PLAC1: variants seen among roughly 807,000 people sequenced by gnomAD.
PLAC1 encodes the protein placenta-specific protein 1.
For synonymous variants in PLAC1, 68 were observed against 62.1 expected, an observed-to-expected ratio of 1.09 and a Z score of -0.44; for missense variants, 136 against 163.2, an observed-to-expected ratio of 0.83 and a Z score of 0.91.
At chrX:134,588,332 T>TTATG (rs2078017228) in intron 2 of PLAC1, among the ~76,000 whole-genome samples, 1 of 107,049 alleles carries the variant, frequency 9.3e-6, no homozygotes, top group Non-Finnish European at 1.9e-5. Flanking sequence ...ATTTATTTAT[T>TTATG]TATTTATTGT....
chrX:134,745,493 C>T (rs978278891), intron 1 of PLAC1, among the ~76,000 whole-genome samples: 5 of 111,753 alleles, frequency 4.5e-5, no homozygotes, highest in Admixed American at 1.9e-4. Context: ...GGATGTCAAA[C>T]CACAATGGCT....
Position 134,726,670 on chromosome X carries a change from A to C in PLAC1, n.174+6765T>G, listed in dbSNP as rs1387642542. On this transcript the variant is annotated intron_variant and non_coding_transcript_variant, in intron 2 of 2. Coordinates refer to the PLAC1 transcript ENST00000466797. The stretch of plus-strand genomic sequence containing the variant: ...AAACCCTGTCTCTACTAAAATACAG[A>C]AAATTATCTGGGCGTGGTGGCATGC... 1.9e-4 allele frequency among the ~76,000 whole-genome samples: 21 copies of C among 109,196 alleles called. 1 individual carries two copies. The Admixed American group carries it at 2.0e-3, about 11-fold the overall frequency. 94.8% of individuals were successfully genotyped at this position (109,196 alleles called of 115,157 possible).
chrX:134,636,232 A>G, intron 1 of PLAC1, among the ~76,000 whole-genome samples: 1 of 112,365 alleles, frequency 8.9e-6, no homozygotes, highest in East Asian at 2.8e-4. Context: ...AGTAGCCTTG[A>G]AAAGGGTTAA....
At chrX:134,663,641 G>A (rs1428936238) in intron 2 of PLAC1, among the ~76,000 whole-genome samples, 1 of 112,544 alleles carries the variant, frequency 8.9e-6, no homozygotes, top group African/African-American at 3.2e-5. Context: ...TAAGGCATTT[G>A]AGTTACGGCT....
rs184633335 is a variant in PLAC1, at chrX:134,730,784, C to A, written n.174+2651G>T. 2.3e-3 allele frequency among the ~76,000 whole-genome samples: 260 copies of A among 111,253 alleles called. 1 individual carries two copies. The highest frequency in any genetic ancestry group is 8.2e-3 in the African/African-American group (252 of 30,595). On this transcript the variant is annotated intron_variant and non_coding_transcript_variant, in intron 2 of 2. Coordinates refer to the PLAC1 transcript ENST00000466797. ...TGATTGTCAATACTGTTATTGCTTCCTGGGAAATAACTCCTGTCTGACTGT... is the reference window on the plus strand; with the variant it reads ...TGATTGTCAATACTGTTATTGCTTCATGGGAAATAACTCCTGTCTGACTGT...
In PLAC1 at chrX:134,566,455, A is replaced by C. The variant is rs1474033356; in HGVS notation, c.228T>G (p.Arg76=). 5.0e-6 allele frequency: 6 copies of C among 1,211,744 alleles called. No homozygotes were observed. Among genetic ancestry groups the C allele is most frequent in the Non-Finnish European group, 5.6e-6 (5 of 895,394 alleles). The change falls in exon 3 of 3, where the codon CGT becomes CGG. Residue 76 remains arginine (R), a synonymous_variant. Transcript: ENST00000359237. The part of the protein sequence containing the change: ...VQPHAYQFTY[R]VTECGIRAKA... Reference sequence around the variant, plus strand: ...TGGCCCTGATGCCACATTCAGTAACACGGTAGGTGAACTGGTAGGCGTGTG... The same window carrying C: ...TGGCCCTGATGCCACATTCAGTAACCCGGTAGGTGAACTGGTAGGCGTGTG...
chrX:134,733,807 G>A (rs1163074675), intron 1 of PLAC1, among the ~76,000 whole-genome samples: 3 of 110,853 alleles, frequency 2.7e-5, no homozygotes, highest in African/African-American at 9.9e-5. Flanking sequence ...AGCAGTGAGA[G>A]GTGAGAGGGA....
chrX:134,566,764 G>T, intron 2 of PLAC1, 24 bp from the exon 3 acceptor site: 2 of 757,431 alleles, frequency 2.6e-6, no homozygotes, highest in South Asian at 3.0e-5. Flanking sequence ...AAACACAAGA[G>T]GCAAGTCATC....
At chrX:134,741,501 A>G (rs1183998255) in intron 1 of PLAC1, among the ~76,000 whole-genome samples, 1 of 111,364 alleles carries the variant, frequency 9.0e-6, no homozygotes, top group African/African-American at 3.3e-5. Flanking sequence ...GACATACCCA[A>G]TCACCGAGGA....
At chrX:134,743,995 C>T (rs966427643) in intron 1 of PLAC1, among the ~76,000 whole-genome samples, 8 of 112,304 alleles carry the variant, frequency 7.1e-5, no homozygotes, top group African/African-American at 2.6e-4. Flanking sequence ...CAGAAAGATA[C>T]ATTTTGGGCC....
chrX:134,624,859 C>T (rs770141943), intron 1 of PLAC1, among the ~76,000 whole-genome samples: 2 of 111,021 alleles, frequency 1.8e-5, no homozygotes, highest in East Asian at 5.6e-4. Context: ...AATGGGAGAT[C>T]TTGCCTAATT....
At chrX:134,605,430 T>A (rs935097658) in intron 1 of PLAC1, among the ~76,000 whole-genome samples, 1 of 112,095 alleles carries the variant, frequency 8.9e-6, no homozygotes, top group Non-Finnish European at 1.9e-5. Context: ...CTAATAAGAT[T>A]CCCATTTTTA....
At chrX:134,607,075 CA>C (rs1268988775) in intron 1 of PLAC1, 2 of 112,455 alleles carry the variant, frequency 1.8e-5, no homozygotes, top group Non-Finnish European at 3.7e-5. Flanking sequence ...AGTCACATAT[CA>C]GCTGATTTTG....
intron 2 of PLAC1, among the ~76,000 whole-genome samples, 160 bp from the exon 3 acceptor site, chrX:134,566,900 G>A (rs879142532): frequency 8.9e-6 from 1 of 112,489 alleles, no homozygotes; most frequent in Admixed American, 9.4e-5. Flanking sequence ...TGGAACTCAC[G>A]TGTTTATGGA....
intron 2 of PLAC1, among the ~76,000 whole-genome samples, chrX:134,581,533 C>CAGT (rs1454926806): frequency 1.2e-5 from 1 of 83,611 alleles, no homozygotes; most frequent in Non-Finnish European, 2.2e-5. Flanking sequence ...GGCTGGAGTA[C>CAGT]AGTAGTGGGA....
chrX:134,621,221 G>A (rs1026430618), intron 1 of PLAC1, among the ~76,000 whole-genome samples: 1 of 110,038 alleles, frequency 9.1e-6, no homozygotes, highest in African/African-American at 3.3e-5. Flanking sequence ...TGAGTCTGGC[G>A]GATCACTTAA....
chrX:134,577,434 A>G (rs1472536169), intron 2 of PLAC1, among the ~76,000 whole-genome samples: 1 of 111,629 alleles, frequency 9.0e-6, no homozygotes. Flanking sequence ...CACGCCTGTA[A>G]TCTCAGCACT....
In PLAC1 at chrX:134,726,106, C is replaced by A. The variant is rs186171303; in HGVS notation, n.174+7329G>T. On this transcript the variant is annotated intron_variant and non_coding_transcript_variant, in intron 2 of 2. Transcript: ENST00000466797. ...TACACCCTATGTCCATCCTCCAAAGCTATTTTTCCGTCTTAGAATGTATCA... is the reference window on the plus strand; with the variant it reads ...TACACCCTATGTCCATCCTCCAAAGATATTTTTCCGTCTTAGAATGTATCA... 5.4e-5 allele frequency among the ~76,000 whole-genome samples: 6 copies of A among 111,904 alleles called. No homozygotes were observed. The East Asian group carries it at 1.7e-3, about 31-fold the overall frequency.
intron 2 of PLAC1, among the ~76,000 whole-genome samples, chrX:134,596,679 C>T (rs1006155577): frequency 9.0e-6 from 1 of 111,237 alleles, no homozygotes; most frequent in Non-Finnish European, 1.9e-5. Flanking sequence ...TCACTGCAGC[C>T]TCTACCTCCC....
Sources: gnomAD v4.1 joint callset for allele counts (sites outside exome capture counted in the v4.1 genomes callset) on GRCh38, gnomAD v4.1.1 for gene constraint, MANE v1.5 for transcripts, NCBI Gene and HGNC (gene_info 2026-07-23, HGNC 2026-07-21) for gene names.